Variants in FKBP6 observed in about 807,000 individuals in gnomAD.
The protein encoded by FKBP6 is inactive peptidyl-prolyl cis-trans isomerase FKBP6.
FKBP6 carries 29 observed loss-of-function variants against 41.7 expected under a neutral mutation model. The ratio of observed to expected loss-of-function variants is 0.70; its 90% CI spans 0.52 to 0.95. FKBP6 has a LOEUF of 0.95. Among genes scored for constraint, FKBP6 ranks in the 40% least tolerant of loss-of-function variants. FKBP6 has a pLI of 0.00. For missense variants in FKBP6, 338 were observed against 408.7 expected (o/e 0.83, Z 1.49); for synonymous variants, 130 against 165.1 (o/e 0.79, Z 1.63).
chr7:73,330,827 A>G (rs1321148614), intron 4 of FKBP6, among the ~76,000 whole-genome samples: 1 of 152,192 alleles, frequency 6.6e-6, no homozygotes, highest in African/African-American at 2.4e-5. Context: ...ATGTATGGCC[A>G]CTGTCCTCAC....
intron 5 of FKBP6, chr7:73,336,678 T>G: frequency 2.2e-6 from 1 of 452,758 alleles, no homozygotes; most frequent in Admixed American, 2.4e-5. Flanking sequence ...AGCTGGCTAT[T>G]AAACATGTAC....
In FKBP6 at chr7:73,358,341, G is replaced by A. The variant is rs1805694635; in HGVS notation, c.*163G>A. 1 of 152,268 alleles carries A rather than the reference G, an allele frequency of 6.6e-6. No individual in the cohort carries two copies. Among genetic ancestry groups the A allele is most frequent in the South Asian group, 2.1e-4 (1 of 4,822 alleles). 9.4% of individuals were successfully genotyped at this position (152,268 alleles called of 1,614,324 possible). On this transcript the variant is annotated 3_prime_UTR_variant, in exon 9 of 9. Coordinates refer to ENST00000252037, the MANE Select transcript of FKBP6 (RefSeq NM_003602.5). ...GACGCGGCTGAAACGTGTTTTCACA[G>A]GTGCTGTTTTCTGTTTTCCGTGTTC...
intron 8 of FKBP6, among the ~76,000 whole-genome samples, chr7:73,346,771 G>A (rs1805344754): frequency 1.3e-5 from 2 of 152,226 alleles, no homozygotes; most frequent in Admixed American, 6.5e-5. Context: ...ATCTGGAACT[G>A]ACAGGAGGGT....
At chr7:73,342,464 T>G (rs1267975955) in intron 7 of FKBP6, among the ~76,000 whole-genome samples, 1 of 152,198 alleles carries the variant, frequency 6.6e-6, no homozygotes, top group African/African-American at 2.4e-5. Flanking sequence ...TCCTGTCAGA[T>G]CTGGTCATTC....
intron 5 of FKBP6, among the ~76,000 whole-genome samples, chr7:73,340,246 T>C (rs1326627753): frequency 6.6e-6 from 1 of 152,114 alleles, no homozygotes; most frequent in Non-Finnish European, 1.5e-5. Flanking sequence ...ACCTGACTTT[T>C]GGCCGGGCAT....
Position 73,330,153 on chromosome 7 carries a change from T to C in FKBP6, c.269T>C (p.Ile90Thr). ...CCTTCTTTGTCCATTCTTACAGATATTACACTGTGGGGCATGGAGCTGGGC... is the reference window on the plus strand; with the variant it reads ...CCTTCTTTGTCCATTCTTACAGATACTACACTGTGGGGCATGGAGCTGGGC... ...TPRLMKLGEDITLWGMELGLL... is the reference protein window; with the variant it reads ...TPRLMKLGEDTTLWGMELGLL... Residue 90 changes from isoleucine (I) to threonine (T), a missense_variant, in exon 4 of 9, where the codon ATT becomes ACT. Coordinates refer to ENST00000252037, the MANE Select transcript of FKBP6 (RefSeq NM_003602.5). The C allele has an allele frequency of 1.9e-6, 3 of 1,612,924 alleles. No homozygotes were observed. The South Asian group carries it at 3.3e-5, about 18-fold the overall frequency.
In FKBP6 at chr7:73,340,799, A is replaced by G. The variant is rs1805155940; in HGVS notation, c.750A>G (p.Gln250=). ...CYGEQALIID[Q]KNAKALFRCG... ...GAGAGCAGGCTTTGATCATTGACCAAAAGAATGCCAAGGCCCTCTTCAGGT... is the reference window on the plus strand; with the variant it reads ...GAGAGCAGGCTTTGATCATTGACCAGAAGAATGCCAAGGCCCTCTTCAGGT... The change falls in exon 6 of 9, where the codon CAA becomes CAG. Residue 250 remains glutamine, a synonymous_variant. Transcript: ENST00000252037. The G allele has an allele frequency of 1.9e-6, 3 of 1,613,998 alleles. No individual in the cohort carries two copies. Among genetic ancestry groups the G allele is most frequent in the Non-Finnish European group, 8.5e-7 (1 of 1,180,020 alleles).
chr7:73,332,931 T>C (rs1354392219), intron 5 of FKBP6, among the ~76,000 whole-genome samples: 1 of 152,174 alleles, frequency 6.6e-6, no homozygotes, highest in Non-Finnish European at 1.5e-5. Context: ...TTGCTTCTTG[T>C]GTAGGTTATG....
rs1554549386 is a variant in FKBP6, at chr7:73,340,818, T to C, written c.769T>C (p.Phe257Leu). The C allele has an allele frequency of 6.2e-7, 1 of 1,613,796 alleles. No homozygotes were observed. The highest frequency in any genetic ancestry group is 2.2e-5 in the East Asian group (1 of 44,858). ...TGACCAAAAGAATGCCAAGGCCCTC[T>C]TCAGGTGTGGACAGGTGAGTTGGAA... ...IIDQKNAKAL[F>L]RCGQACLLLT... The change falls in exon 6 of 9, where the codon TTC becomes CTC. Residue 257 changes from phenylalanine (F) to leucine (L), a missense_variant. Around this residue, in one of 2 missense-constraint regions of FKBP6, gnomAD observed 239 missense variants for 250.1 expected, o/e 0.96. Coordinates refer to ENST00000252037, the MANE Select transcript of FKBP6 (RefSeq NM_003602.5).
intron 8 of FKBP6, among the ~76,000 whole-genome samples, chr7:73,346,405 T>G (rs1049945295): frequency 6.6e-6 from 1 of 152,088 alleles, no homozygotes; most frequent in Non-Finnish European, 1.5e-5. Flanking sequence ...ATAAGTCCAT[T>G]AAATCACAGT....
rs763290815 is a variant in FKBP6, at chr7:73,328,165, T to C, written c.-264T>C. The C allele has an allele frequency of 3.3e-6, 5 of 1,534,834 alleles. No individual in the cohort carries two copies. In the East Asian group the frequency reaches 7.4e-5, roughly 23 times the overall value. The stretch of plus-strand genomic sequence containing the variant: ...CGTGGTCCCGTTACGTGTCCCATCA[T>C]GTTTCGTGCGCTCCCATTACGGATC... On this transcript the variant is annotated 5_prime_UTR_variant, in exon 1 of 9. An upstream start codon of the reference 5' UTR is lost. Coordinates refer to ENST00000252037, the MANE Select transcript of FKBP6 (RefSeq NM_003602.5).
chr7:73,335,545 G>A (rs1804979828), intron 5 of FKBP6, among the ~76,000 whole-genome samples: 1 of 152,180 alleles, frequency 6.6e-6, no homozygotes, highest in African/African-American at 2.4e-5. Flanking sequence ...CAAGTCAAGG[G>A]CCTCTTTGGT....
rs1804692157 is a variant in FKBP6, at chr7:73,328,186, G to T, written c.-243G>T. On this transcript the variant is annotated 5_prime_UTR_variant, in exon 1 of 9. Transcript: ENST00000252037. ...ATCATGTTTCGTGCGCTCCCATTAC[G>T]GATCATACCTCGCACCTCACCGCGT... 1.3e-6 allele frequency: 2 copies of T among 1,545,992 alleles called. No homozygotes were observed. The highest frequency in any genetic ancestry group is 1.7e-6 in the Non-Finnish European group (2 of 1,144,284).
At chr7:73,350,058 T>G (rs1383175656) in intron 8 of FKBP6, among the ~76,000 whole-genome samples, 1 of 152,148 alleles carries the variant, frequency 6.6e-6, no homozygotes, top group Non-Finnish European at 1.5e-5. Flanking sequence ...AGGAAATGGA[T>G]AGAGACCAAA....
intron 5 of FKBP6, among the ~76,000 whole-genome samples, chr7:73,333,889 T>C (rs1554548125): frequency 2.0e-5 from 3 of 152,118 alleles, no homozygotes; most frequent in Non-Finnish European, 4.4e-5. Context: ...CTGGCGAACA[T>C]GGTGAAACCC....
At chr7:73,343,368 C>G (rs1805249548) in intron 8 of FKBP6, among the ~76,000 whole-genome samples, 2 of 151,850 alleles carry the variant, frequency 1.3e-5, no homozygotes, top group African/African-American at 4.8e-5. Context: ...TTATGTGAAA[C>G]TCTCCTTGCA....
At chr7:73,352,036 G>C (rs1181291421) in intron 8 of FKBP6, among the ~76,000 whole-genome samples, 9 of 152,208 alleles carry the variant, frequency 5.9e-5, no homozygotes, top group African/African-American at 2.2e-4. Flanking sequence ...CAGTGGTGCA[G>C]TTATAGCTCA....
chr7:73,333,783 G>A (rs1554548098), intron 5 of FKBP6, among the ~76,000 whole-genome samples: 1 of 152,150 alleles, frequency 6.6e-6, no homozygotes, highest in Non-Finnish European at 1.5e-5. Context: ...TTATTAAAAA[G>A]TCTTTTGGCT....
At position 73,340,663 on chromosome 7, in the gene FKBP6, C is replaced by G. The variant is rs1361619966; in HGVS notation, c.614C>G (p.Ser205Ter). Residue 205 changes from serine to a stop codon, truncating the protein, a stop_gained, in exon 6 of 9, where the codon TCA becomes TGA. Transcript: ENST00000252037. LOFTEE classifies it high-confidence loss of function. ...KRALLLLRRR[S>*]APPEEQHLVE... ...GCCCTATTGCTTCTGCGCCGGCGAT[C>G]AGCACCCCCTGAAGAGCAGCACCTG... 6.2e-7 allele frequency: 1 copy of G among 1,613,704 alleles called. No individual in the cohort carries two copies. Among genetic ancestry groups the G allele is most frequent in the Non-Finnish European group, 8.5e-7 (1 of 1,180,024 alleles).
Sources: gnomAD v4.1 joint callset for allele counts (sites outside exome capture counted in the v4.1 genomes callset) on GRCh38, gnomAD v4.1.1 for gene constraint, gnomAD v4.1.1 regional missense constraint, MANE v1.5 for transcripts, NCBI Gene and HGNC (gene_info 2026-07-23, HGNC 2026-07-21) for gene names.